Variants in HDHD5 observed in about 807,000 individuals in gnomAD.
HDHD5 encodes the protein haloacid dehalogenase-like hydrolase domain-containing 5.
Under a neutral mutation model 35.5 loss-of-function variants are expected in HDHD5, and 34 were observed. The ratio of observed to expected loss-of-function variants is 0.96; its 90% CI spans 0.73 to 1.28. The LOEUF (loss-of-function observed/expected upper bound fraction) is 1.28. Ranked by LOEUF, HDHD5 falls within the 50% of genes most tolerant of loss-of-function variation. HDHD5 has a pLI of 0.00. For synonymous variants in HDHD5, 248 were observed against 240.6 expected, an observed-to-expected ratio of 1.03 and a Z score of -0.29; for missense variants, 589 against 560.2, an observed-to-expected ratio of 1.05 and a Z score of -0.52.
chr22:17,161,447 T>C (rs534767582), upstream of HDHD5, among the ~76,000 whole-genome samples: 2 of 151,548 alleles, frequency 1.3e-5, no homozygotes, highest in Admixed American at 1.3e-4. Flanking sequence ...TAATCCCAGC[T>C]ACTTGGGAGG....
chr22:17,161,717 T>TAA (rs71284927), upstream of HDHD5, among the ~76,000 whole-genome samples: 2 of 144,098 alleles, frequency 1.4e-5, no homozygotes, highest in Non-Finnish European at 1.5e-5. Context: ...AATATATATA[T>TAA]AAAAAAAAAA....
chr22:17,160,761 A>C (rs1475065521), upstream of HDHD5, among the ~76,000 whole-genome samples: 1 of 152,212 alleles, frequency 6.6e-6, no homozygotes, highest in African/African-American at 2.4e-5. Context: ...ACAGCTAATC[A>C]GAATTTGGAA....
At chr22:17,141,292 C>T in intron 5 of HDHD5, 59 bp from the exon 6 acceptor site, 1 of 1,534,480 alleles carries the variant, frequency 6.5e-7, no homozygotes, top group South Asian at 1.3e-5. Context: ...GGCAGGCCCT[C>T]AGGATGCCAG....
chr22:17,159,326 A>C (rs1208759396), upstream of HDHD5: 40 of 1,192,816 alleles, frequency 3.4e-5, no homozygotes, highest in Admixed American at 4.1e-5. Context: ...ACAGCCAATC[A>C]GCGGTCGGCG....
chr22:17,143,192 AACCCC>A, intron 4 of HDHD5, 61 bp from the exon 5 acceptor site: 6 of 1,569,908 alleles, frequency 3.8e-6, no homozygotes, highest in Non-Finnish European at 5.2e-6. Flanking sequence ...GGAGAACCAC[AACCCC>A]ACCTCCAGGG....
At chr22:17,163,644 G>A (rs2123887901), upstream of HDHD5, among the ~76,000 whole-genome samples, 1 of 152,272 alleles carries the variant, frequency 6.6e-6, no homozygotes, top group South Asian at 2.1e-4. Flanking sequence ...CATCTCAAGT[G>A]AGCCACATTT....
At chr22:17,138,468 T>C (rs1186154268) in intron 7 of HDHD5, 82 bp downstream of exon 7, 1 of 1,540,516 alleles carries the variant, frequency 6.5e-7, no homozygotes. Context: ...GAATTAGATA[T>C]AGGGAAATGG....
chr22:17,139,792 T>G (rs2061579504), intron 6 of HDHD5, among the ~76,000 whole-genome samples: 1 of 152,224 alleles, frequency 6.6e-6, no homozygotes, highest in Admixed American at 6.5e-5. Context: ...AGGCTGATCT[T>G]GAACTGACCT....
chr22:17,162,360 CTA>C (rs542065948), upstream of HDHD5, among the ~76,000 whole-genome samples: 1 of 152,178 alleles, frequency 6.6e-6, no homozygotes, highest in South Asian at 2.1e-4. Context: ...CAAAAGATAA[CTA>C]ATATTCTTGG....
In HDHD5 at chr22:17,149,592, T is replaced by C. The variant is rs148993169; in HGVS notation, c.280A>G (p.Ile94Val). ...TCCTGGGCTTTGCTGTGTTGTAAGA[T>C]GTTCCCAGCATTTGTAACAAAAACC... ...PVVFVTNAGN[I>V]LQHSKAQELS... The change falls in exon 2 of 8, where the codon ATC becomes GTC. Residue 94 changes from isoleucine (I) to valine (V), a missense_variant. Coordinates refer to ENST00000336737, the MANE Select transcript of HDHD5 (RefSeq NM_033070.3). 1.2e-5 allele frequency: 19 copies of C among 1,613,018 alleles called. No individual in the cohort carries two copies. In the East Asian group the frequency reaches 1.6e-4, roughly 13 times the overall value.
intron 1 of HDHD5, among the ~76,000 whole-genome samples, chr22:17,152,486 C>T (rs1197052955): frequency 2.0e-5 from 3 of 151,896 alleles, no homozygotes; most frequent in South Asian, 4.2e-4. Context: ...TCTGGGAACC[C>T]GGGAGGGTGG....
Position 17,138,059 on chromosome 22 carries a change from G to C in HDHD5, c.1234C>G (p.Gln412Glu), listed in dbSNP as rs1416170582. ...CAGCCCTCCTTGCGGAAGACCAGCTGCACAGCCTCATTCACGTCATTCACC... is the reference window on the plus strand; with the variant it reads ...CAGCCCTCCTTGCGGAAGACCAGCTCCACAGCCTCATTCACGTCATTCACC... ...HVVNDVNEAV[Q>E]LVFRKEGWAL... The change falls in exon 8 of 8, where the codon CAG becomes GAG. Residue 412 changes from glutamine to glutamate, a missense_variant. Coordinates refer to ENST00000336737, the MANE Select transcript of HDHD5 (RefSeq NM_033070.3). The C allele has an allele frequency of 6.2e-7, 1 of 1,613,772 alleles. No individual in the cohort carries two copies. The highest frequency in any genetic ancestry group is 1.7e-5 in the Admixed American group (1 of 59,994).
intron 1 of HDHD5, among the ~76,000 whole-genome samples, chr22:17,155,168 T>C (rs1305963074): frequency 2.0e-5 from 3 of 152,120 alleles, no homozygotes; most frequent in Non-Finnish European, 4.4e-5. Flanking sequence ...TGTACAATGG[T>C]TGCAAAATTT....
At chr22:17,142,906 G>A in intron 5 of HDHD5, 192 bp downstream of exon 5, 1 of 562,936 alleles carries the variant, frequency 1.8e-6, no homozygotes, top group South Asian at 2.3e-5. Flanking sequence ...AATAGTGAGT[G>A]GCATGGGGAA....
chr22:17,159,370 C>A, upstream of HDHD5: 1 of 1,156,928 alleles, frequency 8.6e-7, no homozygotes. Context: ...GTCCTGTAAG[C>A]GCGCGGAGCC....
chr22:17,149,760 A>ATTATCTTACCATCTCT lies in HDHD5; in HGVS notation c.127-16_127-15insAGAGATGGTAAGATAA. On this transcript the variant is annotated splice_polypyrimidine_tract_variant and intron_variant, in intron 1 of 7. Transcript: ENST00000336737. Reference sequence around the variant, plus strand: ...GTGGGTGGGCTCTGCAGAGATGGTAAGATAATTACCAGTACGTGAGTAACA... The same window carrying ATTATCTTACCATCTCT: ...GTGGGTGGGCTCTGCAGAGATGGTAATTATCTTACCATCTCTGATAATTACCAGTACGTGAGTAACA... 2 of 1,612,092 alleles carry ATTATCTTACCATCTCT rather than the reference A, an allele frequency of 1.2e-6. No homozygotes were observed. The highest frequency in any genetic ancestry group is 1.7e-6 in the Non-Finnish European group (2 of 1,178,392).
At chr22:17,141,658 T>TA (rs1223666633) in intron 5 of HDHD5, 5 of 1,006,226 alleles carry the variant, frequency 5.0e-6, no homozygotes, top group African/African-American at 3.5e-5. Flanking sequence ...TGTGGAGTGA[T>TA]AGAGACTTGA....
intron 1 of HDHD5, among the ~76,000 whole-genome samples, chr22:17,157,074 T>TCACACACACACACACA (rs1388907001): frequency 5.7e-5 from 3 of 52,780 alleles, no homozygotes; most frequent in Admixed American, 2.1e-4. Context: ...CTAGACACCG[T>TCACACACACACACACA]CTCACACACA....
At chr22:17,156,698 C>A (rs1246767838) in intron 1 of HDHD5, among the ~76,000 whole-genome samples, 1 of 151,542 alleles carries the variant, frequency 6.6e-6, no homozygotes, top group African/African-American at 2.4e-5. Context: ...ATGATGTGAA[C>A]CCAGGAGGCA....
Sources: gnomAD v4.1 joint callset for allele counts (sites outside exome capture counted in the v4.1 genomes callset) on GRCh38, gnomAD v4.1.1 for gene constraint, MANE v1.5 for transcripts, NCBI Gene and HGNC (gene_info 2026-07-23, HGNC 2026-07-21) for gene names.